Variants in CATSPERD observed in about 807,000 individuals in gnomAD.
CATSPERD encodes the protein catsper channel auxiliary subunit delta.
In CATSPERD, 86 loss-of-function variants were observed where a neutral mutation model predicts 98.1. The ratio of observed to expected loss-of-function variants is 0.88; its 90% CI spans 0.74 to 1.05. The LOEUF is 1.05. Ranked by LOEUF, CATSPERD falls within the 50% of genes least tolerant of loss-of-function variation. The probability of loss-of-function intolerance (pLI) is 0.00; values close to 1 mark genes in which losing one functional copy is unlikely to be tolerated. For synonymous variants in CATSPERD, 394 were observed against 390.2 expected, an observed-to-expected ratio of 1.01 and a Z score of -0.12; for missense variants, 995 against 1,005.7, an observed-to-expected ratio of 0.99 and a Z score of 0.14.
intron 15 of CATSPERD, among the ~76,000 whole-genome samples, chr19:5,760,073 C>CAAAAAAAA (rs60075484): frequency 2.1e-5 from 1 of 48,520 alleles, no homozygotes; most frequent in Admixed American, 3.5e-4. Flanking sequence ...GACTCCATCT[C>CAAAAAAAA]AAAAAAAAAA....
intron 15 of CATSPERD, among the ~76,000 whole-genome samples, chr19:5,762,058 AT>A (rs869295948): frequency 0.016 from 171 of 10,444 alleles, 5 homozygotes; most frequent in African/African-American, 0.023. Context: ...ATATATATAT[AT>A]TTTTTTTTTT....
intron 4 of CATSPERD, among the ~76,000 whole-genome samples, chr19:5,731,775 C>T (rs1393291215): frequency 1.3e-5 from 2 of 150,246 alleles, no homozygotes; most frequent in Non-Finnish European, 3.0e-5. Flanking sequence ...CGGGGTTTCA[C>T]CTTGTTAGCC....
At chr19:5,775,245 GT>G (rs1272548174) in intron 20 of CATSPERD, 1 of 471,100 alleles carries the variant, frequency 2.1e-6, no homozygotes, top group Non-Finnish European at 4.4e-6. Flanking sequence ...AAAAGAAACT[GT>G]TTTAAAGAAG....
rs2056276440 is a variant in CATSPERD, at chr19:5,754,055, T to C, written c.1165-77T>C. On this transcript the variant is annotated intron_variant, in intron 12 of 21. Coordinates refer to ENST00000381624, the MANE Select transcript of CATSPERD (RefSeq NM_152784.4). ...AGGCTGCAGGACCAGGAGGGTCCCT[T>C]CCTCCTTCCCACCTCCTTGCCCTTT... The C allele has an allele frequency of 4.1e-6, 4 of 964,160 alleles. No homozygotes were observed. In the South Asian group the frequency reaches 5.4e-5, roughly 13 times the overall value. The allele number at this position is 964,160 out of a possible 1,614,324, so 59.7% of individuals were successfully genotyped here.
At chr19:5,763,106 G>A (rs1049135040) in intron 15 of CATSPERD, 109 bp from the exon 16 acceptor site, 3 of 747,884 alleles carry the variant, frequency 4.0e-6, no homozygotes, top group African/African-American at 3.5e-5. Flanking sequence ...TGGATGAGAT[G>A]GATGGATGGA....
At chr19:5,733,298 T>C (rs2055764637) in intron 4 of CATSPERD, among the ~76,000 whole-genome samples, 1 of 151,512 alleles carries the variant, frequency 6.6e-6, no homozygotes, top group Non-Finnish European at 1.5e-5. Context: ...CTGGTCTCTT[T>C]CTTTTTCTTT....
intron 18 of CATSPERD, among the ~76,000 whole-genome samples, chr19:5,770,658 G>C (rs1286123437): frequency 6.6e-6 from 1 of 152,006 alleles, no homozygotes; most frequent in Admixed American, 6.6e-5. Context: ...GTGCGTGCCT[G>C]TAATCCCAGC....
intron 4 of CATSPERD, among the ~76,000 whole-genome samples, chr19:5,733,205 G>T (rs568994204): frequency 1.4e-4 from 21 of 152,060 alleles, no homozygotes; most frequent in Admixed American, 3.9e-4. Context: ...TGTTGGCCAG[G>T]CTGGTCTTGA....
intron 12 of CATSPERD, among the ~76,000 whole-genome samples, chr19:5,753,283 G>A (rs368888199): frequency 2.0e-5 from 3 of 152,018 alleles, no homozygotes; most frequent in South Asian, 2.1e-4. Context: ...AAGAGGGGGC[G>A]GGCGCGGTGG....
intron 1 of CATSPERD, among the ~76,000 whole-genome samples, chr19:5,721,893 G>A (rs1441761254): frequency 6.6e-6 from 1 of 151,726 alleles, no homozygotes; most frequent in Non-Finnish European, 1.5e-5. Context: ...GGAGGCTGAG[G>A]CAGAAAAATC....
chr19:5,757,347 G>C (rs1263500817), intron 13 of CATSPERD, among the ~76,000 whole-genome samples: 1 of 149,948 alleles, frequency 6.7e-6, no homozygotes, highest in Non-Finnish European at 1.5e-5. Context: ...ACCCAGGCGG[G>C]AGTACAATGG....
intron 11 of CATSPERD, among the ~76,000 whole-genome samples, chr19:5,750,982 G>A (rs1056657767): frequency 5.3e-5 from 8 of 150,218 alleles, no homozygotes; most frequent in East Asian, 3.9e-4. Context: ...TTGGGAGGCC[G>A]AGGCAGGTGG....
rs530952978 is a variant in CATSPERD at position 5,735,768 on chromosome 19, C to T, written c.392-1370C>T. The stretch of plus-strand genomic sequence containing the variant: ...GATTACAGGCGTGAGCCACCATGCC[C>T]GGCTAATTTTTTTTTTTTTTTTTTT... On this transcript the variant is annotated intron_variant, in intron 5 of 21. Coordinates refer to ENST00000381624, the MANE Select transcript of CATSPERD (RefSeq NM_152784.4). 1.1e-3 allele frequency among the ~76,000 whole-genome samples: 158 copies of T among 142,570 alleles called. 1 individual carries two copies. The highest frequency in any genetic ancestry group is 7.0e-3 in the Middle Eastern group (2 of 286). The allele number at this position is 142,570 out of a possible 152,430, so 93.5% of individuals were successfully genotyped here. A position where few individuals can be genotyped will look rare whatever the true frequency, so the allele number is the denominator to read the frequency against.
intron 4 of CATSPERD, among the ~76,000 whole-genome samples, chr19:5,730,317 G>A (rs1386607978): frequency 6.6e-6 from 1 of 151,866 alleles, no homozygotes; most frequent in East Asian, 1.9e-4. Context: ...GGCTGAGGCG[G>A]GCAGATCACA....
chr19:5,773,238 G>C (rs1339657785), intron 20 of CATSPERD, among the ~76,000 whole-genome samples: 1 of 152,156 alleles, frequency 6.6e-6, no homozygotes, highest in Non-Finnish European at 1.5e-5. Flanking sequence ...TGTACTCCCA[G>C]CTACTCAGGA....
At chr19:5,770,328 G>T (rs1568373408) in intron 18 of CATSPERD, among the ~76,000 whole-genome samples, 1 of 151,084 alleles carries the variant, frequency 6.6e-6, no homozygotes. Flanking sequence ...TTCTCAGGAG[G>T]CTGAGGCAAG....
rs1462699863 is a variant in CATSPERD at position 5,746,077 on chromosome 19, C to T, written c.808+14C>T. 6.2e-7 allele frequency: 1 copy of T among 1,611,984 alleles called. No individual in the cohort carries two copies. The highest frequency in any genetic ancestry group is 2.2e-5 in the East Asian group (1 of 44,668). On this transcript the variant is annotated intron_variant, in intron 9 of 21. Coordinates refer to ENST00000381624, the MANE Select transcript of CATSPERD (RefSeq NM_152784.4). ...CCCATAATGCAGGTGAGCCCAGGGG[C>T]CCAGGGTGGGGCTGCCGCCTGGTGG...
chr19:5,763,395 C>CCCAGGTTGGAGTGCAG, intron 16 of CATSPERD, 102 bp downstream of exon 16: 3 of 849,930 alleles, frequency 3.5e-6, no homozygotes, highest in Non-Finnish European at 5.9e-6. Flanking sequence ...TGCCACTGCA[C>CCCAGGTTGGAGTGCAG]TCCAACCTGG....
intron 6 of CATSPERD, among the ~76,000 whole-genome samples, chr19:5,738,909 T>C (rs1330272131): frequency 6.7e-6 from 1 of 150,302 alleles, no homozygotes; most frequent in Non-Finnish European, 1.5e-5. Flanking sequence ...TTGTTTTTTT[T>C]AAGAGACAGG....
Sources: gnomAD v4.1 joint callset for allele counts (sites outside exome capture counted in the v4.1 genomes callset) on GRCh38, gnomAD v4.1.1 for gene constraint, MANE v1.5 for transcripts, NCBI Gene and HGNC (gene_info 2026-07-23, HGNC 2026-07-21) for gene names.